The following EEFSEC variants were observed in gnomAD, a reference collection of about 807,000 sequenced individuals.
The protein encoded by EEFSEC is eukaryotic elongation factor, selenocysteine-tRNA specific, also known as selenocysteine-specific elongation factor.
EEFSEC carries 43 observed loss-of-function variants against 42.1 expected under a neutral mutation model. That is an observed-to-expected ratio of 1.02 (90% confidence interval 0.80 to 1.32). The LOEUF is 1.32. EEFSEC is among the 40% of genes most tolerant of loss of function. The pLI is 0.00. For missense variants in EEFSEC, 745 were observed against 803.6 expected (o/e 0.93, Z 0.88); for synonymous variants, 354 against 339.1 (o/e 1.04, Z -0.48).
In EEFSEC at chr3:128,317,644, G is replaced by A. The variant is rs1017157154; in HGVS notation, c.787-23589G>A. The stretch of plus-strand genomic sequence containing the variant: ...TGGCATCTCACGGTATTCATCTGCC[G>A]GCAGAGGAGAGTTCCAGCTCCTTGG... On this transcript the variant is annotated intron_variant, in intron 4 of 6. Transcript: ENST00000254730. This position sits in a 1 kb window ranked among gnomAD's most constrained non-coding sequence, Gnocchi z 4.1. 1.3e-5 allele frequency among the ~76,000 whole-genome samples: 2 copies of A among 152,186 alleles called. No homozygotes were observed. The highest frequency in any genetic ancestry group is 2.4e-5 in the African/African-American group (1 of 41,456).
intron 4 of EEFSEC, among the ~76,000 whole-genome samples, chr3:128,295,594 CTTTTTTTTTT>C (rs543376332): frequency 7.6e-6 from 1 of 131,594 alleles, no homozygotes; most frequent in African/African-American, 2.8e-5. Flanking sequence ...ATTGAGGCTC[CTTTTTTTTTT>C]TTTTTTTTAA....
At chr3:128,367,240 A>T (rs144910699) in intron 6 of EEFSEC, among the ~76,000 whole-genome samples, 1 of 152,360 alleles carries the variant, frequency 6.6e-6, no homozygotes, top group East Asian at 1.9e-4. Context: ...ATTTGAAGGG[A>T]CACAGTTCAG....
At chr3:128,162,286 C>T (rs1408550764) in intron 1 of EEFSEC, among the ~76,000 whole-genome samples, 1 of 152,232 alleles carries the variant, frequency 6.6e-6, no homozygotes, top group Non-Finnish European at 1.5e-5. Flanking sequence ...TCTTCGACGT[C>T]CTCTACCACC....
intron 4 of EEFSEC, among the ~76,000 whole-genome samples, chr3:128,297,998 T>C (rs1339085469): frequency 6.6e-6 from 1 of 152,198 alleles, no homozygotes; most frequent in Admixed American, 6.5e-5. Flanking sequence ...GTGCATCACA[T>C]GTGCCCTCAG....
intron 1 of EEFSEC, 77 bp downstream of exon 1, chr3:128,153,900 A>T: frequency 1.4e-6 from 2 of 1,423,448 alleles, no homozygotes; most frequent in Non-Finnish European, 1.8e-6. Context: ...AATTCGCTCG[A>T]GCCTTTGCCG....
rs370402299 is a variant in EEFSEC at position 128,365,789 on chromosome 3, T to C, written c.1600+7416T>C. On this transcript the variant is annotated intron_variant, in intron 6 of 6. Coordinates refer to ENST00000254730, the MANE Select transcript of EEFSEC (RefSeq NM_021937.5). The stretch of plus-strand genomic sequence containing the variant: ...GGATTGGCTGTGCCACAAGGACCTC[T>C]CCAATTTATTGACCCTGGAAAGCAC... Among the ~76,000 whole-genome samples, 7 of 152,352 alleles carry C rather than the reference T, an allele frequency of 4.6e-5. No homozygotes were observed. The East Asian group carries it at 1.2e-3, about 25-fold the overall frequency.
chr3:128,250,260 GAA>G (rs1371056825), intron 2 of EEFSEC, among the ~76,000 whole-genome samples: 2 of 152,116 alleles, frequency 1.3e-5, no homozygotes, highest in Non-Finnish European at 2.9e-5. Context: ...TAATTTGGAT[GAA>G]GTCTAGTTTA....
chr3:128,327,795 G>C (rs950473169), intron 4 of EEFSEC, among the ~76,000 whole-genome samples: 2 of 152,208 alleles, frequency 1.3e-5, no homozygotes, highest in Non-Finnish European at 1.5e-5. Context: ...CCTGACCCAG[G>C]CTCTGTACTA....
At chr3:128,376,587 A>T (rs188242313) in intron 6 of EEFSEC, among the ~76,000 whole-genome samples, 2 of 152,212 alleles carry the variant, frequency 1.3e-5, no homozygotes, top group East Asian at 3.9e-4. Flanking sequence ...TCATGGTGGG[A>T]TTTGAAGGAC....
At chr3:128,272,278 C>G (rs1235866965) in intron 4 of EEFSEC, among the ~76,000 whole-genome samples, 1 of 152,232 alleles carries the variant, frequency 6.6e-6, no homozygotes, top group Admixed American at 6.5e-5. Context: ...GTGGAACACC[C>G]CTCCCCTGGC....
chr3:128,235,748 A>G (rs1202509027), intron 1 of EEFSEC, among the ~76,000 whole-genome samples: 3 of 152,224 alleles, frequency 2.0e-5, no homozygotes, highest in Non-Finnish European at 4.4e-5. Flanking sequence ...TCCAACAGGC[A>G]GTCAGGCTGG....
intron 1 of EEFSEC, among the ~76,000 whole-genome samples, chr3:128,179,673 C>T (rs897677642): frequency 1.3e-5 from 2 of 152,174 alleles, no homozygotes; most frequent in African/African-American, 4.8e-5. Flanking sequence ...CTTGGGCCGG[C>T]AGACGGGCTT....
intron 4 of EEFSEC, among the ~76,000 whole-genome samples, chr3:128,311,811 A>C (rs2066893045): frequency 6.6e-6 from 1 of 152,062 alleles, no homozygotes; most frequent in South Asian, 2.1e-4. Context: ...GACCATTTGA[A>C]ACACTCTTAG....
In EEFSEC at chr3:128,179,555, C is replaced by A. The variant is rs150942343; in HGVS notation, c.316+25732C>A. On this transcript the variant is annotated intron_variant, in intron 1 of 6. Transcript: ENST00000254730. The stretch of plus-strand genomic sequence containing the variant: ...AAAGTTTGATTTGGGGAAACAGATA[C>A]CATTTAGGAGAGAGATGGTAGGCTG... Among the ~76,000 whole-genome samples the A allele has an allele frequency of 2.9e-4, 44 of 152,246 alleles. 1 individual carries two copies. The East Asian group carries it at 8.1e-3, about 28-fold the overall frequency.
At chr3:128,238,984 T>C (rs147956785) in intron 1 of EEFSEC, among the ~76,000 whole-genome samples, 5 of 152,318 alleles carry the variant, frequency 3.3e-5, no homozygotes, top group Non-Finnish European at 7.3e-5. Context: ...AGGACAGCAA[T>C]GTCTAGTTCT....
At chr3:128,171,766 T>C (rs1361740889) in intron 1 of EEFSEC, among the ~76,000 whole-genome samples, 1 of 151,992 alleles carries the variant, frequency 6.6e-6, no homozygotes, top group Non-Finnish European at 1.5e-5. Flanking sequence ...ATAGAGACTT[T>C]TAAGCCAGAA....
At chr3:128,210,174 G>A (rs2107831042) in intron 1 of EEFSEC, among the ~76,000 whole-genome samples, 1 of 152,334 alleles carries the variant, frequency 6.6e-6, no homozygotes, top group East Asian at 1.9e-4. Flanking sequence ...AGGAGAAACT[G>A]TTTCGTTATT....
intron 4 of EEFSEC, among the ~76,000 whole-genome samples, chr3:128,279,559 C>T (rs964983282): frequency 5.9e-5 from 9 of 152,358 alleles, no homozygotes; most frequent in Non-Finnish European, 1.3e-4. Context: ...CCCAGACACA[C>T]CACATCCATG....
intron 3 of EEFSEC, 78 bp downstream of exon 3, chr3:128,262,302 TG>T (rs1320981552): frequency 7.6e-7 from 1 of 1,316,278 alleles, no homozygotes; most frequent in Non-Finnish European, 1.1e-6. Context: ...CTCTCTCCCC[TG>T]AGAGAGAAAG....
Sources: allele counts gnomAD v4.1 joint callset (sites outside exome capture counted in the v4.1 genomes callset), GRCh38; gene constraint gnomAD v4.1.1; non-coding constraint Gnocchi (gnomAD v3.1); transcripts MANE v1.5; gene names NCBI Gene and HGNC (gene_info 2026-07-23, HGNC 2026-07-21).